Variants in ZNF239 observed in about 807,000 individuals in gnomAD.
The protein encoded by ZNF239 is zinc finger protein (C2H2) homologous to mouse MOK-2.
ZNF239 carries 16 observed loss-of-function variants against 27.5 expected under a neutral mutation model. The ratio of observed to expected loss-of-function variants is 0.58; its 90% confidence interval spans 0.39 to 0.88. The LOEUF (loss-of-function observed/expected upper bound fraction) is 0.88, where lower values mean the gene tolerates loss of function less well. ZNF239 is among the 40% of genes least tolerant of loss of function. ZNF239 has a pLI of 0.00. For missense variants in ZNF239, 527 were observed against 551.9 expected, an observed-to-expected ratio of 0.95 and a Z score of 0.45; for synonymous variants, 199 against 192.6, an observed-to-expected ratio of 1.03 and a Z score of -0.27.
chr10:43,569,587 GCT>G (rs1188116025), intron 2 of ZNF239, among the ~76,000 whole-genome samples: 9 of 152,154 alleles, frequency 5.9e-5, no homozygotes, highest in Non-Finnish European at 5.9e-5. Context: ...TCATGATTCA[GCT>G]CTCAGTCCAA....
At position 43,557,522 on chromosome 10, in the gene ZNF239, T is replaced by C. The variant is rs1250027930; in HGVS notation, c.558A>G (p.Lys186=). 1 of 1,614,206 alleles carries C rather than the reference T, an allele frequency of 6.2e-7. No homozygotes were observed. Among genetic ancestry groups the C allele is most frequent in the African/African-American group, 1.3e-5 (1 of 75,056 alleles). ...EKPCDHNNCG[K]ILNTSPDGHP... is the part of the protein sequence containing the mutation. Reference sequence around the variant, plus strand: ...GACCATCTGGGCTGGTGTTAAGTATTTTCCCACAGTTATTATGGTCACAGG... The same window carrying C: ...GACCATCTGGGCTGGTGTTAAGTATCTTCCCACAGTTATTATGGTCACAGG... The change falls in exon 4 of 4, where the codon AAA becomes AAG. Residue 186 remains lysine, a synonymous_variant. Transcript: ENST00000374446.
chr10:43,557,099 G>C lies in ZNF239; in HGVS notation c.981C>G (p.Ser327Arg). 1 of 1,611,804 alleles carries C rather than the reference G, an allele frequency of 6.2e-7. No individual in the cohort carries two copies. The highest frequency in any genetic ancestry group is 8.5e-7 in the Non-Finnish European group (1 of 1,179,004). Reference sequence around the variant, plus strand: ...TGTGCAGGTTTGAGCGCTGACTGAAGCTCATACCACACTCCTCACACTCAT... The same window carrying C: ...TGTGCAGGTTTGAGCGCTGACTGAACCTCATACCACACTCCTCACACTCAT... Reference protein sequence around the residue: ...KPYECEECGMSFSQRSNLHIH... With the variant: ...KPYECEECGMRFSQRSNLHIH... Residue 327 changes from serine (S) to arginine (R), a missense_variant, in exon 4 of 4, where the codon AGC becomes AGG. Physicochemically the swap from Ser to Arg is moderately radical, Grantham distance 110. Transcript: ENST00000374446.
chr10:43,562,048 T>G (rs778153444), intron 3 of ZNF239, among the ~76,000 whole-genome samples: 1 of 152,212 alleles, frequency 6.6e-6, no homozygotes, highest in African/African-American at 2.4e-5. Context: ...CAAAGCAATG[T>G]AAGCATTCAT....
In ZNF239 at chr10:43,557,855, T is replaced by G. The variant is rs558419282; in HGVS notation, c.225A>C (p.Gln75His). ...PLKVSSQIDT[Q>H]DSSVKFCKNE... The stretch of plus-strand genomic sequence containing the variant: ...TCTTACAGAACTTCACTGAAGAGTC[T>G]TGTGTGTCTATTTGGCTTGAGACTT... Residue 75 changes from glutamine (Q) to histidine (H), a missense_variant, in exon 4 of 4, where the codon CAA becomes CAC. By Grantham distance (24) the Gln-to-His change is conservative. Transcript: ENST00000374446. 6.2e-7 allele frequency: 1 copy of G among 1,614,254 alleles called. No homozygotes were observed. Among genetic ancestry groups the G allele is most frequent in the East Asian group, 2.2e-5 (1 of 44,890 alleles).
At chr10:43,568,850 G>C (rs932478773) in intron 2 of ZNF239, among the ~76,000 whole-genome samples, 1 of 152,126 alleles carries the variant, frequency 6.6e-6, no homozygotes, top group Non-Finnish European at 1.5e-5. Flanking sequence ...AGGAGTTCGA[G>C]ACCAGCCTGG....
At chr10:43,563,300 AG>A (rs1156516745) in intron 3 of ZNF239, among the ~76,000 whole-genome samples, 1 of 152,152 alleles carries the variant, frequency 6.6e-6, no homozygotes, top group East Asian at 1.9e-4. Context: ...TGGGCGACAG[AG>A]TGAGCCTTCG....
chr10:43,568,066 C>T, intron 2 of ZNF239, 45 bp from the exon 3 acceptor site: 2 of 985,832 alleles, frequency 2.0e-6, no homozygotes, highest in Non-Finnish European at 2.4e-6. Flanking sequence ...ACCATCTGCA[C>T]AAATGCCCTG....
chr10:43,568,981 C>T (rs554163905), intron 2 of ZNF239, among the ~76,000 whole-genome samples: 2 of 152,104 alleles, frequency 1.3e-5, no homozygotes, highest in Admixed American at 6.5e-5. Flanking sequence ...ACCCGGGAGG[C>T]GGAGGTTGCA....
intron 1 of ZNF239, among the ~76,000 whole-genome samples, chr10:43,573,881 T>C (rs938433256): frequency 3.9e-5 from 6 of 151,982 alleles, no homozygotes; most frequent in African/African-American, 7.3e-5. Context: ...AGCCAAGTTT[T>C]CCCCCCAAAA....
chr10:43,567,109 C>T (rs1588806841), intron 3 of ZNF239, among the ~76,000 whole-genome samples: 1 of 35,106 alleles, frequency 2.8e-5, no homozygotes, highest in Non-Finnish European at 6.5e-5. Context: ...TCAAAACAAA[C>T]AAACAAACAA....
chr10:43,568,994 G>T (rs1428181894), intron 2 of ZNF239, among the ~76,000 whole-genome samples: 3 of 152,124 alleles, frequency 2.0e-5, no homozygotes, highest in African/African-American at 7.2e-5. Context: ...AGGTTGCAGT[G>T]AGTTGAACAA....
At position 43,556,772 on chromosome 10, in the gene ZNF239, A is replaced by G; in HGVS notation, c.1308T>C (p.Cys436=). 1 of 1,614,130 alleles carries G rather than the reference A, an allele frequency of 6.2e-7. No individual in the cohort carries two copies. Among genetic ancestry groups the G allele is most frequent in the South Asian group, 1.1e-5 (1 of 91,072 alleles). Residue 436 remains cysteine, a synonymous_variant, in exon 4 of 4, where the codon TGT becomes TGC. Coordinates refer to ENST00000374446, the MANE Select transcript of ZNF239 (RefSeq NM_001099282.2). ...TGGAGCTCTGGCTGAAGCCCTTCCCACACTTGCTGCACTCATAGGGCTTCT... is the reference window on the plus strand; with the variant it reads ...TGGAGCTCTGGCTGAAGCCCTTCCCGCACTTGCTGCACTCATAGGGCTTCT... ...TGEKPYECSK[C]GKGFSQSSNL...
At chr10:43,573,087 G>A (rs1295568161) in intron 2 of ZNF239, among the ~76,000 whole-genome samples, 3 of 152,190 alleles carry the variant, frequency 2.0e-5, no homozygotes, top group Non-Finnish European at 4.4e-5. Flanking sequence ...AGAGAGTTCT[G>A]ATGCATAGCC....
chr10:43,568,116 A>C, intron 2 of ZNF239, 95 bp from the exon 3 acceptor site: 2 of 985,660 alleles, frequency 2.0e-6, no homozygotes, highest in Non-Finnish European at 2.4e-6. Flanking sequence ...AAGGTAAGAA[A>C]GGTATAGAAG....
intron 3 of ZNF239, among the ~76,000 whole-genome samples, chr10:43,562,824 G>A (rs370742329): frequency 8.5e-5 from 13 of 152,154 alleles, no homozygotes; most frequent in East Asian, 5.8e-4. Context: ...AGTTTGTAGC[G>A]TTAAATCATG....
chr10:43,566,033 C>T (rs762971216), intron 3 of ZNF239, among the ~76,000 whole-genome samples: 1 of 152,008 alleles, frequency 6.6e-6, no homozygotes, highest in Non-Finnish European at 1.5e-5. Context: ...CTGAAAGAGA[C>T]AAAAGTTCAG....
intron 3 of ZNF239, among the ~76,000 whole-genome samples, chr10:43,563,529 T>C (rs1046233948): frequency 9.9e-5 from 15 of 152,226 alleles, no homozygotes; most frequent in Non-Finnish European, 1.5e-4. Context: ...ACAGAGTCCA[T>C]AGAAAGTGAT....
At position 43,556,614 on chromosome 10, in the gene ZNF239, C is replaced by A; in HGVS notation, c.*89G>T. ...TCTAAATAACCCTTACATCTCTCTCCTTTGTAGAATATAAAGTAAGAGTGA... is the reference window on the plus strand; with the variant it reads ...TCTAAATAACCCTTACATCTCTCTCATTTGTAGAATATAAAGTAAGAGTGA... On this transcript the variant is annotated 3_prime_UTR_variant, in exon 4 of 4. Coordinates refer to ENST00000374446, the MANE Select transcript of ZNF239 (RefSeq NM_001099282.2). The A allele has an allele frequency of 6.8e-7, 1 of 1,474,958 alleles. No homozygotes were observed. Among genetic ancestry groups the A allele is most frequent in the Non-Finnish European group, 9.1e-7 (1 of 1,101,614 alleles). The allele number at this position is 1,474,958 out of a possible 1,614,324, so 91.4% of individuals were successfully genotyped here.
chr10:43,572,693 G>A (rs979683694), intron 2 of ZNF239, among the ~76,000 whole-genome samples: 7 of 152,304 alleles, frequency 4.6e-5, no homozygotes, highest in African/African-American at 7.2e-5. Flanking sequence ...AGAGGGGGCC[G>A]ACCATCTCAA....
Sources: gnomAD v4.1 joint callset for allele counts (sites outside exome capture counted in the v4.1 genomes callset) on GRCh38, gnomAD v4.1.1 for gene constraint, MANE v1.5 for transcripts, NCBI Gene and HGNC (gene_info 2026-07-23, HGNC 2026-07-21) for gene names.